Variants in PPP3CA observed in about 807,000 individuals in gnomAD.
The protein encoded by PPP3CA is CAM-PRP catalytic subunit.
A neutral mutation model predicts 66.5 loss-of-function variants in PPP3CA; 14 were observed. The observed-to-expected ratio is 0.21, with a 90% CI of 0.14 to 0.33. The LOEUF (loss-of-function observed/expected upper bound fraction) is 0.33, where lower values mean the gene tolerates loss of function less well. Among genes scored for constraint, PPP3CA ranks in the 10% least tolerant of loss-of-function variants. The pLI, the probability that PPP3CA is intolerant of heterozygous loss-of-function variation, is 1.00. For missense variants in PPP3CA, 317 were observed against 639.5 expected (o/e 0.50, Z 5.44); for synonymous variants, 232 against 226.2 (o/e 1.03, Z -0.23).
intron 10 of PPP3CA, 104 bp downstream of exon 10, chr4:101,060,983 T>G: frequency 1.0e-6 from 1 of 994,298 alleles, no homozygotes; most frequent in African/African-American, 1.6e-5. Context: ...AATGTTACGT[T>G]TTAAACATAA....
intron 5 of PPP3CA, among the ~76,000 whole-genome samples, chr4:101,095,475 G>A (rs1382722274): frequency 6.6e-6 from 1 of 152,128 alleles, no homozygotes; most frequent in Non-Finnish European, 1.5e-5. Flanking sequence ...TTCTGGCCAT[G>A]TGCAGAGCTT....
intron 1 of PPP3CA, among the ~76,000 whole-genome samples, chr4:101,268,155 TAGAG>T (rs1438473288): frequency 9.9e-5 from 15 of 151,872 alleles, no homozygotes; most frequent in Admixed American, 9.8e-4. Context: ...CTGGGGAACA[TAGAG>T]AGATCCACTC....
chr4:101,025,963 T>C lies in PPP3CA; in HGVS notation c.1468A>G (p.Met490Val). Residue 490 changes from methionine to valine, a missense_variant, in exon 14 of 14, where the codon ATG (methionine) becomes GTG (valine). Around this residue, in one of 3 missense-constraint regions of PPP3CA, gnomAD observed 201 missense variants for 501.4 expected, o/e 0.40. Coordinates refer to ENST00000394854, the MANE Select transcript of PPP3CA (RefSeq NM_000944.5). ...GAGTTAAGGTTGGCGTCAGAGGGCA[T>C]GGCATCTCTGCGAGGCGGCATCCTC... ...NERMPPRRDAMPSDANLNSIN... is the reference protein window; with the variant it reads ...NERMPPRRDAVPSDANLNSIN... The C allele has an allele frequency of 1.2e-5, 19 of 1,613,320 alleles. No individual in the cohort carries two copies. Among genetic ancestry groups the C allele is most frequent in the Non-Finnish European group, 1.4e-5 (17 of 1,179,666 alleles).
chr4:101,096,789 T>C (rs745771305), intron 5 of PPP3CA, among the ~76,000 whole-genome samples: 1 of 152,190 alleles, frequency 6.6e-6, no homozygotes, highest in Non-Finnish European at 1.5e-5. Context: ...CATGGATACA[T>C]GAATAGATAA....
chr4:101,261,052 C>T (rs2850968), intron 1 of PPP3CA, among the ~76,000 whole-genome samples: 139,402 of 152,168 alleles, frequency 0.92, 64,044 homozygotes, highest in African/African-American at 0.97. Context: ...AAGGTAACAT[C>T]ATCACTAACT....
intron 1 of PPP3CA, among the ~76,000 whole-genome samples, chr4:101,246,188 A>G (rs760159863): frequency 8.5e-5 from 13 of 152,202 alleles, no homozygotes; most frequent in Non-Finnish European, 1.8e-4. Flanking sequence ...ACTTGCAGCA[A>G]AAGGTGCATG....
chr4:101,189,130 C>A (rs1310854974), intron 2 of PPP3CA, among the ~76,000 whole-genome samples: 1 of 151,980 alleles, frequency 6.6e-6, no homozygotes, highest in African/African-American at 2.4e-5. Context: ...TCAACAAACT[C>A]AGGAAAACAG....
intron 2 of PPP3CA, among the ~76,000 whole-genome samples, chr4:101,140,001 T>C (rs1171217169): frequency 6.6e-6 from 1 of 152,102 alleles, no homozygotes; most frequent in Non-Finnish European, 1.5e-5. Context: ...TGGTAACAAA[T>C]TATCTCTTTT....
At chr4:101,330,347 T>A (rs779857756) in intron 1 of PPP3CA, 55 of 491,870 alleles carry the variant, frequency 1.1e-4, no homozygotes, top group South Asian at 3.3e-4. Context: ...AAGAAGATAG[T>A]TTCTTTAGAA....
chr4:101,164,703 G>A (rs777985720), intron 2 of PPP3CA, among the ~76,000 whole-genome samples: 2 of 151,888 alleles, frequency 1.3e-5, no homozygotes, highest in African/African-American at 2.4e-5. Flanking sequence ...TGGATTTCAT[G>A]GACCAGTAAA....
At chr4:101,135,245 CA>C (rs11290239) in intron 2 of PPP3CA, among the ~76,000 whole-genome samples, 17,345 of 141,850 alleles carry the variant, frequency 0.12, 1,571 homozygotes, top group East Asian at 0.3. Context: ...TAATCCTTCT[CA>C]AAAAAAAAAA....
chr4:101,171,159 C>T (rs768611734), intron 2 of PPP3CA: 1 of 455,750 alleles, frequency 2.2e-6, no homozygotes, highest in Non-Finnish European at 4.4e-6. Context: ...GTGAAATCTC[C>T]TTTCTGTGTC....
intron 1 of PPP3CA, among the ~76,000 whole-genome samples, chr4:101,304,005 A>G (rs1043609366): frequency 2.6e-5 from 4 of 152,258 alleles, no homozygotes; most frequent in Non-Finnish European, 2.9e-5. Context: ...TGTACATATT[A>G]GTTAACCTTC....
intron 2 of PPP3CA, among the ~76,000 whole-genome samples, chr4:101,175,818 G>A (rs1344246516): frequency 2.0e-5 from 3 of 151,984 alleles, no homozygotes; most frequent in Admixed American, 1.3e-4. Flanking sequence ...TGCTCTTTAG[G>A]CATAAATACA....
At chr4:101,181,610 A>T (rs1724237496) in intron 2 of PPP3CA, among the ~76,000 whole-genome samples, 1 of 152,172 alleles carries the variant, frequency 6.6e-6, no homozygotes, top group Non-Finnish European at 1.5e-5. Flanking sequence ...AAAAATACAC[A>T]GAAAAGCCCA....
intron 2 of PPP3CA, among the ~76,000 whole-genome samples, chr4:101,121,501 C>G (rs573391036): frequency 2.2e-4 from 34 of 152,030 alleles, no homozygotes; most frequent in Middle Eastern, 3.5e-3. Flanking sequence ...ATATATTTTA[C>G]AAATAACGCT....
chr4:101,056,836 CAA>C (rs572758644), intron 10 of PPP3CA, among the ~76,000 whole-genome samples: 27 of 79,700 alleles, frequency 3.4e-4, no homozygotes, highest in Admixed American at 5.5e-4. Context: ...ATAATGTTAC[CAA>C]AAAAAAAAAA....
At chr4:101,027,694 A>G (rs766480888) in intron 13 of PPP3CA, among the ~76,000 whole-genome samples, 3 of 152,208 alleles carry the variant, frequency 2.0e-5, no homozygotes, top group Non-Finnish European at 4.4e-5. Flanking sequence ...AAAGTTTGTC[A>G]TCATTATCAT....
intron 1 of PPP3CA, among the ~76,000 whole-genome samples, chr4:101,299,399 T>C (rs1578643577): frequency 6.6e-6 from 1 of 151,634 alleles, no homozygotes; most frequent in African/African-American, 2.4e-5. Context: ...GGTTTTTTTT[T>C]TGTTTAGAGA....
Sources: allele counts gnomAD v4.1 joint callset (sites outside exome capture counted in the v4.1 genomes callset), GRCh38; gene constraint gnomAD v4.1.1; regional missense constraint gnomAD v4.1.1; transcripts MANE v1.5; gene names NCBI Gene and HGNC (gene_info 2026-07-23, HGNC 2026-07-21).